Variants in SLC1A2 observed in about 807,000 individuals in gnomAD.
SLC1A2 encodes the protein solute carrier family 1 member 2.
Under a neutral mutation model 48.8 loss-of-function variants are expected in SLC1A2, and 15 were observed. The observed-to-expected ratio is 0.31, with a 90% confidence interval of 0.21 to 0.47. SLC1A2 has a LOEUF of 0.47. SLC1A2 is among the 20% of genes least tolerant of loss of function. The pLI is 0.99. For missense variants in SLC1A2, 502 were observed against 730.5 expected (o/e 0.69, Z 3.61); for synonymous variants, 279 against 272.6 (o/e 1.02, Z -0.23).
chr11:35,305,487 G>T (rs1192059532), intron 5 of SLC1A2, among the ~76,000 whole-genome samples: 1 of 152,186 alleles, frequency 6.6e-6, no homozygotes, highest in Non-Finnish European at 1.5e-5. Context: ...CTGCCCAACT[G>T]CAGAGCCCAA....
chr11:35,334,141 C>A (rs1852531200), intron 1 of SLC1A2, among the ~76,000 whole-genome samples: 1 of 152,188 alleles, frequency 6.6e-6, no homozygotes, highest in South Asian at 2.1e-4. Context: ...ATTTTCCAGT[C>A]TGCCACAGTC....
intron 1 of SLC1A2, among the ~76,000 whole-genome samples, chr11:35,345,671 A>G (rs1421408858): frequency 6.6e-6 from 1 of 152,200 alleles, no homozygotes; most frequent in Non-Finnish European, 1.5e-5. Flanking sequence ...AGAGTTAACT[A>G]TAACCCCTTC....
chr11:35,251,613 A>G lies in SLC1A2; in HGVS notation c.*9281T>C, dbSNP rs1242250527. On this transcript the variant is annotated 3_prime_UTR_variant, in exon 11 of 11. Coordinates refer to ENST00000278379, the MANE Select transcript of SLC1A2 (RefSeq NM_004171.4). ...GTTCTGGACATACAAGAATTTTCAAAGAGAATCCTGCATAAAGCCCAGTTT... is the reference window on the plus strand; with the variant it reads ...GTTCTGGACATACAAGAATTTTCAAGGAGAATCCTGCATAAAGCCCAGTTT... 1 of 152,462 alleles carries G rather than the reference A, an allele frequency of 6.6e-6. No homozygotes were observed. Among genetic ancestry groups the G allele is most frequent in the African/African-American group, 2.4e-5 (1 of 41,448 alleles). 9.4% of individuals were successfully genotyped at this position (152,462 alleles called of 1,614,324 possible).
chr11:35,321,619 T>C (rs1488019864), intron 1 of SLC1A2, among the ~76,000 whole-genome samples: 1 of 151,962 alleles, frequency 6.6e-6, no homozygotes, highest in African/African-American at 2.4e-5. Context: ...TCATGAATAT[T>C]ATGAGGGTTT....
intron 3 of SLC1A2, among the ~76,000 whole-genome samples, chr11:35,313,082 T>A (rs980336359): frequency 3.3e-5 from 5 of 152,264 alleles, no homozygotes; most frequent in African/African-American, 1.2e-4. Flanking sequence ...TTCCACTTTT[T>A]ATTTTTTTTG....
intron 9 of SLC1A2, among the ~76,000 whole-genome samples, chr11:35,267,071 C>T (rs1950497199): frequency 1.3e-5 from 2 of 152,210 alleles, no homozygotes; most frequent in Non-Finnish European, 1.5e-5. Context: ...GCTCTTGCGC[C>T]TCTTCTGCTT....
At chr11:35,395,156 C>T (rs146350480) in intron 1 of SLC1A2, among the ~76,000 whole-genome samples, 143 of 152,074 alleles carry the variant, frequency 9.4e-4, no homozygotes, top group Non-Finnish European at 1.7e-3. Context: ...GAGTTTGCCC[C>T]GTGGAGGACT....
chr11:35,296,166 C>T (rs563735650), intron 6 of SLC1A2, among the ~76,000 whole-genome samples: 1 of 152,320 alleles, frequency 6.6e-6, no homozygotes, highest in Admixed American at 6.5e-5. Flanking sequence ...GGTCTTAACT[C>T]ACTGGAATAA....
At chr11:35,397,269 C>T (rs1854994019) in intron 1 of SLC1A2, among the ~76,000 whole-genome samples, 1 of 148,100 alleles carries the variant, frequency 6.8e-6, no homozygotes, top group African/African-American at 2.4e-5. Flanking sequence ...CGCTACCTGA[C>T]TTCAAACTAT....
intron 8 of SLC1A2, among the ~76,000 whole-genome samples, chr11:35,285,142 T>A (rs928307481): frequency 6.6e-6 from 1 of 152,202 alleles, no homozygotes; most frequent in African/African-American, 2.4e-5. Context: ...ATAAAAACAC[T>A]ATTCTAATGT....
chr11:35,271,564 T>A (rs925960283), intron 9 of SLC1A2, among the ~76,000 whole-genome samples: 1 of 152,130 alleles, frequency 6.6e-6, no homozygotes, highest in East Asian at 1.9e-4. Context: ...CTAATTATTA[T>A]CTAGGGATCA....
At chr11:35,343,981 C>G (rs1023626024) in intron 1 of SLC1A2, among the ~76,000 whole-genome samples, 1 of 152,120 alleles carries the variant, frequency 6.6e-6, no homozygotes, top group Non-Finnish European at 1.5e-5. Context: ...GATGAAATGT[C>G]TGGAACCCAA....
intron 1 of SLC1A2, among the ~76,000 whole-genome samples, chr11:35,325,964 C>CAA (rs35256511): frequency 0.058 from 5,568 of 95,606 alleles, 199 homozygotes; most frequent in Middle Eastern, 0.11. Context: ...AATTCTATCT[C>CAA]AAAAAAAAAA....
At chr11:35,268,508 A>C (rs553622987) in intron 9 of SLC1A2, among the ~76,000 whole-genome samples, 5 of 152,196 alleles carry the variant, frequency 3.3e-5, no homozygotes, top group African/African-American at 1.2e-4. Context: ...AGTACTAAAA[A>C]TACAAAATTA....
At chr11:35,372,305 G>T (rs1315797648) in intron 1 of SLC1A2, among the ~76,000 whole-genome samples, 1 of 152,192 alleles carries the variant, frequency 6.6e-6, no homozygotes, top group Non-Finnish European at 1.5e-5. Context: ...CCACCCAGGT[G>T]ATGGCTTCAT....
intron 9 of SLC1A2, among the ~76,000 whole-genome samples, chr11:35,268,792 G>A (rs954073330): frequency 3.3e-5 from 5 of 152,146 alleles, no homozygotes; most frequent in African/African-American, 4.8e-5. Flanking sequence ...CTAAGGCCTG[G>A]AGAGATTAGT....
At chr11:35,355,354 C>A (rs572669917) in intron 1 of SLC1A2, among the ~76,000 whole-genome samples, 19 of 152,332 alleles carry the variant, frequency 1.2e-4, no homozygotes, top group Admixed American at 5.2e-4. Context: ...CCCTTCACAC[C>A]CTCCTACTGC....
intron 1 of SLC1A2, chr11:35,390,803 G>C (rs1280648582): frequency 6.6e-6 from 1 of 151,880 alleles, no homozygotes; most frequent in Non-Finnish European, 1.5e-5. Flanking sequence ...GTAGCTGGGA[G>C]TACAGGCATC....
intron 4 of SLC1A2, among the ~76,000 whole-genome samples, chr11:35,311,938 G>GT (rs1851719614): frequency 1.6e-4 from 1 of 6,160 alleles, no homozygotes; most frequent in Admixed American, 2.3e-3. Flanking sequence ...GGGGGGGGGT[G>GT]GGGGAGAAAG....
Sources: gnomAD v4.1 joint callset for allele counts (sites outside exome capture counted in the v4.1 genomes callset) on GRCh38, gnomAD v4.1.1 for gene constraint, MANE v1.5 for transcripts, NCBI Gene and HGNC (gene_info 2026-07-23, HGNC 2026-07-21) for gene names.